CACNB4: variants seen among roughly 807,000 people sequenced by gnomAD.
CACNB4 encodes voltage-dependent L-type calcium channel subunit beta-4.
Under a neutral mutation model 71.2 loss-of-function variants are expected in CACNB4, and 32 were observed. The observed-to-expected ratio is 0.45, with a 90% CI of 0.34 to 0.60. The LOEUF is 0.60. Among genes scored for constraint, CACNB4 ranks in the 20% least tolerant of loss-of-function variants. CACNB4 has a pLI of 0.01. For missense variants in CACNB4, 464 were observed against 647.9 expected (o/e 0.72, Z 3.08); for synonymous variants, 231 against 236.9 (o/e 0.97, Z 0.23).
chr2:151,982,870 A>C (rs2099874968), intron 2 of CACNB4, among the ~76,000 whole-genome samples: 1 of 152,198 alleles, frequency 6.6e-6, no homozygotes, highest in South Asian at 2.1e-4. Flanking sequence ...TGCAAAAGTA[A>C]AAATATTGAG....
At chr2:152,029,068 T>G (rs1278058337) in intron 2 of CACNB4, among the ~76,000 whole-genome samples, 1 of 152,176 alleles carries the variant, frequency 6.6e-6, no homozygotes, top group African/African-American at 2.4e-5. Context: ...CCTGACAAAT[T>G]CATATGTTAA....
At chr2:151,943,742 G>A (rs1460015420) in intron 2 of CACNB4, among the ~76,000 whole-genome samples, 1 of 152,150 alleles carries the variant, frequency 6.6e-6, no homozygotes, top group African/African-American at 2.4e-5. Flanking sequence ...AAGGATTTTT[G>A]ATGATCATTT....
chr2:151,991,554 A>C (rs1681704242), intron 2 of CACNB4, among the ~76,000 whole-genome samples: 1 of 152,186 alleles, frequency 6.6e-6, no homozygotes, highest in African/African-American at 2.4e-5. Context: ...AAATGGGCTA[A>C]ATGACATGCC....
chr2:152,028,298 A>G (rs1684087695), intron 2 of CACNB4, among the ~76,000 whole-genome samples: 1 of 152,218 alleles, frequency 6.6e-6, no homozygotes, highest in Admixed American at 6.5e-5. Context: ...AAGCTGCACT[A>G]CAAAATTTAA....
rs554875190 is a variant in CACNB4 at position 151,875,613 on chromosome 2, A to G, written c.521+813T>C. Among the ~76,000 whole-genome samples, 211 of 133,056 alleles carry G rather than the reference A, an allele frequency of 1.6e-3. 1 individual carries two copies. In the Middle Eastern group the frequency reaches 0.037, roughly 23 times the overall value. 87.3% of individuals were successfully genotyped at this position (133,056 alleles called of 152,430 possible). On this transcript the variant is annotated intron_variant, in intron 5 of 13. Coordinates refer to ENST00000539935, the MANE Select transcript of CACNB4 (RefSeq NM_000726.5). ...CACCTCCCGGACGGGGCGGCTCGCC[A>G]GGCAGGGGGCTGACCCCTCCACCTC...
At chr2:151,947,444 G>A (rs2151650640) in intron 2 of CACNB4, among the ~76,000 whole-genome samples, 1 of 152,284 alleles carries the variant, frequency 6.6e-6, no homozygotes, top group South Asian at 2.1e-4. Context: ...CCCTAGGCAG[G>A]GGGAGTGGGG....
At chr2:151,870,346 G>T in intron 8 of CACNB4, 185 bp downstream of exon 8, 1 of 705,488 alleles carries the variant, frequency 1.4e-6, no homozygotes. Context: ...GATGAGAAGT[G>T]TGCAAGAGAG....
At chr2:151,993,816 G>T (rs1681868536) in intron 2 of CACNB4, among the ~76,000 whole-genome samples, 1 of 151,202 alleles carries the variant, frequency 6.6e-6, no homozygotes, top group Non-Finnish European at 1.5e-5. Context: ...GCCCACCTCG[G>T]CCTCCCAAAG....
Position 151,883,596 on chromosome 2 carries a change from A to G in CACNB4, c.148-226T>C, listed in dbSNP as rs76284475. On this transcript the variant is annotated intron_variant, in intron 2 of 13. Coordinates refer to ENST00000539935, the MANE Select transcript of CACNB4 (RefSeq NM_000726.5). The stretch of plus-strand genomic sequence containing the variant: ...AAATATTTTGACTAGATTAAGTGCT[A>G]GGAAGTAAACTGCAATGAAAATTAT... The G allele has an allele frequency of 5.4e-3, 2,901 of 534,054 alleles. 66 individuals carry two copies. The highest frequency in any genetic ancestry group is 0.049 in the African/African-American group (2,593 of 52,484). 33.1% of individuals were successfully genotyped at this position (534,054 alleles called of 1,614,324 possible). A position where few individuals can be genotyped will look rare whatever the true frequency, so the allele number is the denominator to read the frequency against.
intron 9 of CACNB4, chr2:151,866,418 G>C (rs897647350): frequency 6.6e-6 from 1 of 152,182 alleles, no homozygotes; most frequent in Admixed American, 6.5e-5. Context: ...GTTTCCATTA[G>C]AACATATTGT....
At chr2:151,854,131 G>A (rs778691031) in intron 11 of CACNB4, 3 of 152,312 alleles carry the variant, frequency 2.0e-5, no homozygotes, top group Non-Finnish European at 4.4e-5. Context: ...CATGTCCCGT[G>A]GCCCTTCCCC....
chr2:152,024,528 T>C (rs1474813124), intron 2 of CACNB4, among the ~76,000 whole-genome samples: 3 of 152,220 alleles, frequency 2.0e-5, no homozygotes, highest in African/African-American at 7.2e-5. Context: ...TGGATAGCCC[T>C]AAAAAATGGC....
At chr2:152,052,394 G>A (rs181298818) in intron 2 of CACNB4, among the ~76,000 whole-genome samples, 47 of 152,128 alleles carry the variant, frequency 3.1e-4, no homozygotes, top group Admixed American at 5.9e-4. Flanking sequence ...TCCACCTCCC[G>A]GGTTCAAAGC....
chr2:151,862,909 C>T (rs1214288369), intron 9 of CACNB4, among the ~76,000 whole-genome samples: 2 of 152,130 alleles, frequency 1.3e-5, no homozygotes, highest in Non-Finnish European at 2.9e-5. Flanking sequence ...GTCAAGTCTT[C>T]GCCTTGCTCT....
rs1418102910 is a variant in CACNB4 at position 151,836,459 on chromosome 2, A to G, written c.*2660T>C. On this transcript the variant is annotated 3_prime_UTR_variant, in exon 14 of 14. Coordinates refer to ENST00000539935, the MANE Select transcript of CACNB4 (RefSeq NM_000726.5). Reference sequence around the variant, plus strand: ...ATAAACTCTTAAGTCTTTAAAAAAAATAAGATGTATATCCCCTTATTTGAG... The same window carrying G: ...ATAAACTCTTAAGTCTTTAAAAAAAGTAAGATGTATATCCCCTTATTTGAG... 6.6e-6 allele frequency: 1 copy of G among 151,898 alleles called. No individual in the cohort carries two copies. The highest frequency in any genetic ancestry group is 1.5e-5 in the Non-Finnish European group (1 of 67,792). The allele number at this position is 151,898 out of a possible 1,614,324, so 9.4% of individuals were successfully genotyped here.
intron 2 of CACNB4, among the ~76,000 whole-genome samples, chr2:152,001,729 A>AG (rs1158842780): frequency 6.6e-6 from 1 of 151,706 alleles, no homozygotes; most frequent in South Asian, 2.1e-4. Flanking sequence ...AAAAAAAAAA[A>AG]AAAAGAGAAT....
At chr2:151,938,651 T>G (rs2099863517) in intron 2 of CACNB4, among the ~76,000 whole-genome samples, 1 of 152,210 alleles carries the variant, frequency 6.6e-6, no homozygotes, top group Admixed American at 6.5e-5. Flanking sequence ...AATACAAGAT[T>G]TTTTTAAAAA....
rs1400801736 is a variant in CACNB4 at position 151,833,842 on chromosome 2, T to C, written c.*5277A>G. On this transcript the variant is annotated 3_prime_UTR_variant, in exon 14 of 14. Transcript: ENST00000539935. ...TTTTATAATTTTGTACTGTACAATA[T>C]GTTTTTGCTACATTATTTTTCTACT... 1 of 152,144 alleles carries C rather than the reference T, an allele frequency of 6.6e-6. No individual in the cohort carries two copies. Among genetic ancestry groups the C allele is most frequent in the Non-Finnish European group, 1.5e-5 (1 of 67,954 alleles). 9.4% of individuals were successfully genotyped at this position (152,144 alleles called of 1,614,324 possible). A position where few individuals can be genotyped will look rare whatever the true frequency, so the allele number is the denominator to read the frequency against.
chr2:152,034,710 C>T (rs902432421), intron 2 of CACNB4, among the ~76,000 whole-genome samples: 4 of 152,152 alleles, frequency 2.6e-5, no homozygotes, highest in African/African-American at 9.7e-5. Context: ...GCATCCGATA[C>T]AGAGTTGCTG....
Sources: allele counts gnomAD v4.1 joint callset (sites outside exome capture counted in the v4.1 genomes callset), GRCh38; gene constraint gnomAD v4.1.1; transcripts MANE v1.5; gene names NCBI Gene and HGNC (gene_info 2026-07-23, HGNC 2026-07-21).